The following CHIC1 variants were observed in gnomAD, a reference collection of about 807,000 sequenced individuals.
CHIC1 encodes cysteine-rich hydrophobic domain-containing protein 1.
A neutral mutation model predicts 18.5 loss-of-function variants in CHIC1; 7 were observed. The ratio of observed to expected loss-of-function variants is 0.38; its 90% CI spans 0.22 to 0.71. The LOEUF (loss-of-function observed/expected upper bound fraction) is 0.71, where lower values mean the gene tolerates loss of function less well. CHIC1 is among the 30% of genes least tolerant of loss of function. The pLI is 0.49. For missense variants in CHIC1, 159 were observed against 176.9 expected (o/e 0.90, Z 0.57); for synonymous variants, 77 against 73.5 (o/e 1.05, Z -0.25).
chrX:73,652,733 G>C (rs764628312), intron 3 of CHIC1, among the ~76,000 whole-genome samples: 1 of 112,141 alleles, frequency 8.9e-6, no homozygotes, highest in African/African-American at 3.2e-5. Context: ...ATAAACAACA[G>C]ATGTTGGTGA....
At chrX:73,581,226 C>T (rs895459516) in intron 2 of CHIC1, among the ~76,000 whole-genome samples, 5 of 110,658 alleles carry the variant, frequency 4.5e-5, no homozygotes, top group African/African-American at 1.3e-4. Flanking sequence ...CAGATCAGTC[C>T]TGCTGCGGTT....
chrX:73,662,055 AAAAT>A lies in CHIC1; in HGVS notation c.508-17255_508-17252del, dbSNP rs199851747. Among the ~76,000 whole-genome samples the A allele has an allele frequency of 3.4e-3, 370 of 109,054 alleles. 2 individuals carry two copies. The highest frequency in any genetic ancestry group is 0.011 in the African/African-American group (325 of 30,152). 94.7% of individuals were successfully genotyped at this position (109,054 alleles called of 115,157 possible). On this transcript the variant is annotated intron_variant, in intron 3 of 5. Coordinates refer to ENST00000373502, the MANE Select transcript of CHIC1 (RefSeq NM_001039840.4). Reference sequence around the variant, plus strand: ...AAGTATAATAATAAAAAAATAAATAAAAATAAATAAATAAATAAAAATAAATAAT... The same window carrying A: ...AAGTATAATAATAAAAAAATAAATAAAAATAAATAAATAAAAATAAATAAT...
In CHIC1 at chrX:73,678,994, A is replaced by T. The variant is rs755159396; in HGVS notation, c.508-332A>T. Among the ~76,000 whole-genome samples, 14 of 112,297 alleles carry T rather than the reference A, an allele frequency of 1.2e-4. No homozygotes were observed. In the South Asian group the frequency reaches 4.4e-3, roughly 35 times the overall value. ...TCTAGATTAAATTCATAAATGGACT[A>T]CTAAAATCTCAACTTAGTATATAGT... On this transcript the variant is annotated intron_variant, in intron 3 of 5. Transcript: ENST00000373502.
At chrX:73,596,019 G>A (rs1260825111) in intron 3 of CHIC1, among the ~76,000 whole-genome samples, 2 of 111,430 alleles carry the variant, frequency 1.8e-5, no homozygotes, top group Non-Finnish European at 3.8e-5. Flanking sequence ...TTTTGATGGG[G>A]TTGCTTTTTT....
At position 73,681,546 on chromosome X, in the gene CHIC1, ACTC is replaced by A. The variant is rs2058099440; in HGVS notation, c.*544_*546del. 8.9e-6 allele frequency: 1 copy of A among 112,070 alleles called. No homozygotes were observed. The highest frequency in any genetic ancestry group is 1.9e-5 in the Non-Finnish European group (1 of 52,863). 9.2% of individuals were successfully genotyped at this position (112,070 alleles called of 1,213,427 possible). On this transcript the variant is annotated 3_prime_UTR_variant, in exon 6 of 6. Coordinates refer to ENST00000373502, the MANE Select transcript of CHIC1 (RefSeq NM_001039840.4). ...TTATGTTAGTGGATAAAATATTTAA[ACTC>A]CTAAAGACTTGTAAATATTGCCTCT...
Position 73,610,943 on chromosome X carries a change from G to GTT in CHIC1, c.507+26380_507+26381dup, listed in dbSNP as rs1218849631. 7.2e-5 allele frequency among the ~76,000 whole-genome samples: 7 copies of GTT among 97,328 alleles called. 1 individual carries two copies. The highest frequency in any genetic ancestry group is 2.8e-4 in the African/African-American group (7 of 24,637). 84.5% of individuals were successfully genotyped at this position (97,328 alleles called of 115,157 possible). A position where few individuals can be genotyped will look rare whatever the true frequency, so the allele number is the denominator to read the frequency against. ...TGTCTCTGCTTTCATTTCTGATTTT[G>GTT]TTTTTTTTTTCTCTTTTTTTCTTGG... On this transcript the variant is annotated intron_variant, in intron 3 of 5. Transcript: ENST00000373502.
intron 3 of CHIC1, among the ~76,000 whole-genome samples, chrX:73,586,080 C>A (rs369784384): frequency 1.8e-5 from 2 of 111,559 alleles, no homozygotes. Flanking sequence ...AGTTTGCCAA[C>A]ATTTAAACAT....
At chrX:73,621,152 T>C (rs1213991356) in intron 3 of CHIC1, among the ~76,000 whole-genome samples, 1 of 111,995 alleles carries the variant, frequency 8.9e-6, no homozygotes, top group Non-Finnish European at 1.9e-5. Flanking sequence ...AGCTTTGTTC[T>C]TTTTGCTTAG....
chrX:73,602,316 C>G (rs998822634), intron 3 of CHIC1, among the ~76,000 whole-genome samples: 1 of 109,086 alleles, frequency 9.2e-6, no homozygotes, highest in Non-Finnish European at 1.9e-5. Context: ...TAAATGTCTT[C>G]TTTTGAAAAG....
intron 3 of CHIC1, among the ~76,000 whole-genome samples, chrX:73,657,923 G>T (rs967278027): frequency 6.3e-5 from 7 of 111,456 alleles, no homozygotes; most frequent in East Asian, 2.8e-4. Context: ...CACATTTTTT[G>T]ATTTGTATAC....
At chrX:73,607,018 G>A (rs6648372) in intron 3 of CHIC1, among the ~76,000 whole-genome samples, 20,877 of 108,244 alleles carry the variant, frequency 0.19, 2,466 homozygotes, top group East Asian at 0.94. Context: ...TATGCTGGGA[G>A]ATCCATTGCT....
intron 2 of CHIC1, among the ~76,000 whole-genome samples, chrX:73,583,961 T>C (rs1332266900): frequency 1.8e-5 from 2 of 111,261 alleles, no homozygotes; most frequent in African/African-American, 6.5e-5. Flanking sequence ...GAGAGTTGCC[T>C]TTTTTCAAAG....
intron 3 of CHIC1, among the ~76,000 whole-genome samples, chrX:73,616,654 G>C (rs3121090): frequency 0.51 from 56,639 of 110,012 alleles, 12,871 homozygotes; most frequent in East Asian, 0.95. Context: ...TCTTGTGCAC[G>C]CACAGGATCA....
intron 3 of CHIC1, among the ~76,000 whole-genome samples, chrX:73,619,300 G>A (rs2147582585): frequency 9.0e-6 from 1 of 111,151 alleles, no homozygotes; most frequent in Admixed American, 9.5e-5. Context: ...CTGAGTGGGA[G>A]CCGCAATTTA....
At chrX:73,618,086 T>G (rs1454728176) in intron 3 of CHIC1, among the ~76,000 whole-genome samples, 1 of 111,738 alleles carries the variant, frequency 8.9e-6, no homozygotes, top group Non-Finnish European at 1.9e-5. Flanking sequence ...ACCAGGCTCC[T>G]GGCTGGTACT....
rs1386134893 is a variant in CHIC1, at chrX:73,643,884, C to T, written c.508-35442C>T. Reference sequence around the variant, plus strand: ...CTCTCAACTCGTCAAAGTCATTCTCCGTCCATCTTTGTTCCGTTGCTGGTG... The same window carrying T: ...CTCTCAACTCGTCAAAGTCATTCTCTGTCCATCTTTGTTCCGTTGCTGGTG... On this transcript the variant is annotated intron_variant, in intron 3 of 5. Coordinates refer to ENST00000373502, the MANE Select transcript of CHIC1 (RefSeq NM_001039840.4). 4.4e-5 allele frequency among the ~76,000 whole-genome samples: 5 copies of T among 112,470 alleles called. No individual in the cohort carries two copies. The East Asian group carries it at 1.1e-3, about 25-fold the overall frequency.
chrX:73,674,447 C>G (rs2058050492), intron 3 of CHIC1, among the ~76,000 whole-genome samples: 1 of 111,849 alleles, frequency 8.9e-6, no homozygotes, highest in South Asian at 3.7e-4. Flanking sequence ...CAACTTCTTC[C>G]TGGTTTAGTC....
rs1457687955 is a variant in CHIC1 at position 73,668,488 on chromosome X, TG to T, written c.508-10835del. Among the ~76,000 whole-genome samples, 4 of 111,801 alleles carry T rather than the reference TG, an allele frequency of 3.6e-5. No individual in the cohort carries two copies. The Admixed American group carries it at 3.8e-4, about 11-fold the overall frequency. On this transcript the variant is annotated intron_variant, in intron 3 of 5. Coordinates refer to ENST00000373502, the MANE Select transcript of CHIC1 (RefSeq NM_001039840.4). ...ATTTTTTTGTTCTTTCTCATCCTTG[TG>T]GGATTATCTACCTTTGATTTTTGAG...
chrX:73,624,718 G>A (rs1426058653), intron 3 of CHIC1, among the ~76,000 whole-genome samples: 1 of 112,071 alleles, frequency 8.9e-6, no homozygotes, highest in African/African-American at 3.2e-5. Flanking sequence ...GAAACAAGAT[G>A]AGAAGGAAAC....
Sources: allele counts gnomAD v4.1 joint callset (sites outside exome capture counted in the v4.1 genomes callset), GRCh38; gene constraint gnomAD v4.1.1; transcripts MANE v1.5; gene names NCBI Gene and HGNC (gene_info 2026-07-23, HGNC 2026-07-21).